BRDT: variants seen among roughly 807,000 people sequenced by gnomAD.
BRDT encodes the protein bromodomain testis-specific protein.
Under a neutral mutation model 113.9 loss-of-function variants are expected in BRDT, and 77 were observed. That is an observed-to-expected ratio of 0.68 (90% confidence interval 0.56 to 0.82). The LOEUF is 0.82. Ranked by LOEUF, BRDT falls within the 40% of genes least tolerant of loss-of-function variation. The probability of loss-of-function intolerance (pLI) is 0.00; values close to 1 mark genes in which losing one functional copy is unlikely to be tolerated. For missense variants in BRDT, 1,027 were observed against 1,105.4 expected, an observed-to-expected ratio of 0.93 and a Z score of 1.01; for synonymous variants, 358 against 366.5, an observed-to-expected ratio of 0.98 and a Z score of 0.26.
At chr1:92,001,065 C>T (rs145276171) in intron 15 of BRDT, among the ~76,000 whole-genome samples, 121 of 152,158 alleles carry the variant, frequency 8.0e-4, no homozygotes, top group African/African-American at 2.8e-3. Context: ...CTTAGTTTCC[C>T]TCTCTGTGTT....
chr1:92,006,554 C>T (rs998717355), intron 18 of BRDT, among the ~76,000 whole-genome samples: 3 of 151,596 alleles, frequency 2.0e-5, no homozygotes, highest in Non-Finnish European at 4.4e-5. Flanking sequence ...GCAACCTCCA[C>T]CTCCTGGGTT....
At chr1:91,994,651 G>C (rs1210689590) in intron 15 of BRDT, among the ~76,000 whole-genome samples, 2 of 151,946 alleles carry the variant, frequency 1.3e-5, no homozygotes, top group African/African-American at 4.8e-5. Context: ...CGGATCACGA[G>C]GTCAGGAGAT....
chr1:91,977,944 G>A (rs1684314232), intron 6 of BRDT, among the ~76,000 whole-genome samples: 1 of 152,042 alleles, frequency 6.6e-6, no homozygotes, highest in Non-Finnish European at 1.5e-5. Context: ...TACATGGAAT[G>A]TCCTCCTTCC....
intron 18 of BRDT, among the ~76,000 whole-genome samples, chr1:92,013,359 C>T (rs1430122432): frequency 1.2e-4 from 19 of 152,068 alleles, no homozygotes; most frequent in Non-Finnish European, 1.5e-5. Flanking sequence ...GTAGGTAAAT[C>T]ACAATTCCAA....
intron 12 of BRDT, among the ~76,000 whole-genome samples, chr1:91,988,551 C>T (rs1685475689): frequency 6.6e-6 from 1 of 152,048 alleles, no homozygotes; most frequent in African/African-American, 2.4e-5. Flanking sequence ...CAGGTTTGCA[C>T]CACCACGCCC....
At chr1:91,999,518 C>CTTAAA (rs1382943416) in intron 15 of BRDT, among the ~76,000 whole-genome samples, 1 of 152,094 alleles carries the variant, frequency 6.6e-6, no homozygotes, top group African/African-American at 2.4e-5. Flanking sequence ...GAATTGCATC[C>CTTAAA]TTAAGCCTCT....
intron 18 of BRDT, among the ~76,000 whole-genome samples, chr1:92,010,267 A>AT (rs373305680): frequency 0.039 from 3,986 of 101,004 alleles, 304 homozygotes; most frequent in African/African-American, 0.1. Context: ...TGCTCTTTTA[A>AT]TTTTTTTTTT....
intron 16 of BRDT, 89 bp from the exon 17 acceptor site, chr1:92,004,325 T>A (rs1687100570): frequency 1.2e-6 from 1 of 812,130 alleles, no homozygotes; most frequent in South Asian, 2.1e-5. Flanking sequence ...CTTAATTAGA[T>A]CTATTGCTGT....
chr1:92,003,108 A>G (rs1471587690), intron 16 of BRDT, among the ~76,000 whole-genome samples: 1 of 152,178 alleles, frequency 6.6e-6, no homozygotes, highest in East Asian at 1.9e-4. Context: ...AGGTAGAGAC[A>G]AAAACAGGTT....
intron 15 of BRDT, among the ~76,000 whole-genome samples, chr1:92,001,755 T>C (rs1321489166): frequency 6.6e-6 from 1 of 150,810 alleles, no homozygotes; most frequent in African/African-American, 2.4e-5. Context: ...AGAGCTGCTA[T>C]AGCATGGGGT....
At chr1:91,991,991 C>CAAAAAAAAAAAAAAAAAAAAAA (rs764759925) in intron 13 of BRDT, among the ~76,000 whole-genome samples, 3 of 67,744 alleles carry the variant, frequency 4.4e-5, no homozygotes, top group African/African-American at 1.2e-4. Context: ...GACTCTGTCT[C>CAAAAAAAAAAAAAAAAAAAAAA]AAAAAAAAAA....
chr1:91,984,711 C>T (rs1401840614), intron 12 of BRDT, among the ~76,000 whole-genome samples: 1 of 152,188 alleles, frequency 6.6e-6, no homozygotes, highest in Non-Finnish European at 1.5e-5. Flanking sequence ...TCACGGCTCA[C>T]TCCTCTGCCT....
At chr1:91,959,954 T>G (rs1170312668) in intron 1 of BRDT, among the ~76,000 whole-genome samples, 2 of 152,134 alleles carry the variant, frequency 1.3e-5, no homozygotes, top group Non-Finnish European at 2.9e-5. Flanking sequence ...TCCCAGGCGC[T>G]CTCTCCAGAG....
chr1:91,987,641 C>T (rs1056639982), intron 12 of BRDT, among the ~76,000 whole-genome samples: 2 of 140,480 alleles, frequency 1.4e-5, no homozygotes, highest in Non-Finnish European at 3.2e-5. Flanking sequence ...CCACTGCGCC[C>T]GGCCTTGTTT....
chr1:91,980,637 T>C lies in BRDT; in HGVS notation c.1288-6T>C, dbSNP rs759596134. 33 of 1,453,820 alleles carry C rather than the reference T, an allele frequency of 2.3e-5. No individual in the cohort carries two copies. Among genetic ancestry groups the C allele is most frequent in the Middle Eastern group, 1.8e-4 (1 of 5,412 alleles). The allele number at this position is 1,453,820 out of a possible 1,614,324, so 90.1% of individuals were successfully genotyped here. ...GAATGTTTACAGATTTTTTTTCTTT[T>C]ATCAGCTTAAAGCTGTACATCAACA... On this transcript the variant is annotated splice_polypyrimidine_tract_variant and splice_region_variant and intron_variant, in intron 8 of 18. Transcript: ENST00000399546.
intron 4 of BRDT, 120 bp downstream of exon 4, chr1:91,968,380 A>G: frequency 1.3e-5 from 18 of 1,363,318 alleles, no homozygotes; most frequent in Non-Finnish European, 1.8e-5. Context: ...CTATTCTATT[A>G]ATAAAAAATG....
In BRDT at chr1:91,976,302, A is replaced by C. The variant is rs762577586; in HGVS notation, c.482A>C (p.Glu161Ala). 2 of 1,610,738 alleles carry C rather than the reference A, an allele frequency of 1.2e-6. No homozygotes were observed. Among genetic ancestry groups the C allele is most frequent in the South Asian group, 2.2e-5 (2 of 90,218 alleles). Residue 161 changes from glutamate to alanine, a missense_variant, in exon 5 of 19, where the codon GAA becomes GCA. Transcript: ENST00000399546. ...AATATAGCTGTTTCTTCTGCTAAAG[A>C]AAAATCATCACCCAGCGCAACAGAA... is the stretch of plus-strand genomic sequence containing the variant. Reference protein sequence around the residue: ...QQNIAVSSAKEKSSPSATEKV... With the variant: ...QQNIAVSSAKAKSSPSATEKV...
intron 15 of BRDT, among the ~76,000 whole-genome samples, chr1:92,000,765 G>A (rs781000237): frequency 3.3e-5 from 5 of 152,090 alleles, no homozygotes; most frequent in Non-Finnish European, 5.9e-5. Flanking sequence ...TAAGTTTCAC[G>A]CATCAGGATG....
chr1:91,974,001 T>C (rs964311107), intron 4 of BRDT, among the ~76,000 whole-genome samples: 1 of 152,154 alleles, frequency 6.6e-6, no homozygotes, highest in African/African-American at 2.4e-5. Context: ...AACTATCTGA[T>C]CTTTGACAAA....
Sources: allele counts gnomAD v4.1 joint callset (sites outside exome capture counted in the v4.1 genomes callset), GRCh38; gene constraint gnomAD v4.1.1; transcripts MANE v1.5; gene names NCBI Gene and HGNC (gene_info 2026-07-23, HGNC 2026-07-21).